Variants in SORCS2 observed in about 807,000 individuals in gnomAD.
The protein encoded by SORCS2 is sortilin related VPS10 domain containing receptor 2, also known as VPS10 domain-containing receptor SorCS2.
A neutral mutation model predicts 141.6 loss-of-function variants in SORCS2; 100 were observed. That is an observed-to-expected ratio of 0.71 (90% CI 0.60 to 0.83). The LOEUF (loss-of-function observed/expected upper bound fraction) is 0.83, where lower values mean the gene tolerates loss of function less well. SORCS2 is among the 40% of genes least tolerant of loss of function. The probability of loss-of-function intolerance (pLI) is 0.00; values close to 1 mark genes in which losing one functional copy is unlikely to be tolerated. For synonymous variants in SORCS2, 789 were observed against 676.9 expected (o/e 1.17, Z -2.57); for missense variants, 1,646 against 1,560.2 (o/e 1.05, Z -0.93).
At chr4:7,564,654 C>T (rs57644708) in intron 3 of SORCS2, among the ~76,000 whole-genome samples, 9,966 of 152,220 alleles carry the variant, frequency 0.065, 453 homozygotes, top group African/African-American at 0.13. Context: ...GCTCACCAGC[C>T]GGGAGGTGGC....
chr4:7,433,891 G>T (rs764480238), intron 2 of SORCS2: 1 of 1,613,780 alleles, frequency 6.2e-7, no homozygotes, highest in African/African-American at 1.3e-5. Flanking sequence ...CGTGATAGAG[G>T]CAGGCATTAC....
chr4:7,359,364 C>A (rs534224926), intron 1 of SORCS2, among the ~76,000 whole-genome samples: 3 of 152,262 alleles, frequency 2.0e-5, no homozygotes, highest in African/African-American at 7.2e-5. Context: ...AGACTCCTGA[C>A]CTCAAGTGAT....
intron 1 of SORCS2, among the ~76,000 whole-genome samples, chr4:7,263,290 G>A (rs1411401656): frequency 2.0e-5 from 3 of 152,196 alleles, no homozygotes; most frequent in Non-Finnish European, 4.4e-5. Flanking sequence ...AAGGAAAATG[G>A]ACTGAGAGTT....
At chr4:7,485,441 C>A (rs894982995) in intron 2 of SORCS2, among the ~76,000 whole-genome samples, 2 of 152,268 alleles carry the variant, frequency 1.3e-5, no homozygotes, top group Non-Finnish European at 2.9e-5. Context: ...ACCAGGTTGG[C>A]TCTGTGGGCC....
intron 1 of SORCS2, among the ~76,000 whole-genome samples, chr4:7,342,319 C>G (rs1309135071): frequency 1.3e-5 from 2 of 152,212 alleles, no homozygotes; most frequent in Admixed American, 1.3e-4. Context: ...TGACGTTGCC[C>G]CGGGCCCTGT....
At chr4:7,356,569 C>T (rs1480933955) in intron 1 of SORCS2, among the ~76,000 whole-genome samples, 1 of 152,222 alleles carries the variant, frequency 6.6e-6, no homozygotes, top group Non-Finnish European at 1.5e-5. Flanking sequence ...GTGAGGCCCC[C>T]ACCCTCGTGA....
chr4:7,730,969 C>G (rs980463794), intron 23 of SORCS2, among the ~76,000 whole-genome samples: 2 of 152,206 alleles, frequency 1.3e-5, no homozygotes, highest in African/African-American at 4.8e-5. Context: ...GAAGGCGTGG[C>G]CCGTGCAGGG....
intron 3 of SORCS2, among the ~76,000 whole-genome samples, chr4:7,611,292 A>G (rs1257335166): frequency 1.3e-5 from 2 of 152,226 alleles, no homozygotes; most frequent in Non-Finnish European, 2.9e-5. Context: ...AGCAAAATCC[A>G]AGGAGTGTAG....
intron 3 of SORCS2, among the ~76,000 whole-genome samples, chr4:7,630,528 C>T (rs1719819903): frequency 6.6e-6 from 1 of 152,320 alleles, no homozygotes; most frequent in South Asian, 2.1e-4. Flanking sequence ...TATCCTGGGA[C>T]CTCTACAGCC....
At chr4:7,511,048 T>A (rs17828857) in intron 2 of SORCS2, among the ~76,000 whole-genome samples, 41,223 of 152,058 alleles carry the variant, frequency 0.27, 6,845 homozygotes, top group East Asian at 0.73. Context: ...TTGTGGGACG[T>A]CCACTCTTGA....
intron 2 of SORCS2, among the ~76,000 whole-genome samples, chr4:7,507,746 A>G (rs978721083): frequency 2.0e-5 from 2 of 99,758 alleles, no homozygotes; most frequent in African/African-American, 5.5e-5. Flanking sequence ...TGTACTTCCA[A>G]TGGGGGGAAA....
At chr4:7,660,502 C>T (rs532741645) in intron 5 of SORCS2, among the ~76,000 whole-genome samples, 1 of 152,344 alleles carries the variant, frequency 6.6e-6, no homozygotes, top group East Asian at 1.9e-4. Context: ...TGGGACCACC[C>T]CCAAAGGAGG....
At chr4:7,281,100 T>G (rs1715844256) in intron 1 of SORCS2, among the ~76,000 whole-genome samples, 1 of 152,068 alleles carries the variant, frequency 6.6e-6, no homozygotes, top group African/African-American at 2.4e-5. Context: ...CACGGCCTCA[T>G]AAAAGGAGAG....
chr4:7,515,819 T>C (rs189529012), intron 2 of SORCS2, among the ~76,000 whole-genome samples: 4 of 152,312 alleles, frequency 2.6e-5, no homozygotes, highest in Non-Finnish European at 2.9e-5. Context: ...GGAGTAGCCC[T>C]GGCAAAGAAA....
intron 26 of SORCS2, among the ~76,000 whole-genome samples, chr4:7,739,712 G>C (rs1712492907): frequency 1.3e-5 from 2 of 152,104 alleles, no homozygotes; most frequent in African/African-American, 4.8e-5. Context: ...TCTGGGTCCT[G>C]GGTCCTCGAC....
At chr4:7,632,208 C>T (rs1299314447) in intron 3 of SORCS2, among the ~76,000 whole-genome samples, 5 of 152,226 alleles carry the variant, frequency 3.3e-5, no homozygotes, top group Non-Finnish European at 5.9e-5. Context: ...CAGAATTAGG[C>T]TTCAAATAAC....
intron 25 of SORCS2, chr4:7,735,550 C>T (rs555346282): frequency 6.5e-6 from 1 of 154,514 alleles, no homozygotes; most frequent in Non-Finnish European, 1.5e-5. Context: ...ACTGGAGAAT[C>T]TGGGAGGACT....
intron 2 of SORCS2, among the ~76,000 whole-genome samples, chr4:7,454,084 CTG>C (rs1229923019): frequency 1.9e-5 from 2 of 107,518 alleles, no homozygotes; most frequent in Non-Finnish European, 3.7e-5. Context: ...GGGTCAGGTG[CTG>C]TGTGTTGGGG....
chr4:7,415,235 C>T (rs1444125030), intron 2 of SORCS2, among the ~76,000 whole-genome samples: 2 of 152,192 alleles, frequency 1.3e-5, no homozygotes, highest in Non-Finnish European at 2.9e-5. Flanking sequence ...GGTGTGTCAT[C>T]TTACAGCTCT....
Sources: allele counts gnomAD v4.1 joint callset (sites outside exome capture counted in the v4.1 genomes callset), GRCh38; gene constraint gnomAD v4.1.1; transcripts MANE v1.5; gene names NCBI Gene and HGNC (gene_info 2026-07-23, HGNC 2026-07-21).